The following CFAP53 variants were observed in gnomAD, a reference collection of about 807,000 sequenced individuals.
CFAP53 encodes cilia- and flagella-associated protein 53.
CFAP53 carries 62 observed loss-of-function variants against 59.7 expected under a neutral mutation model. The observed-to-expected ratio is 1.04, with a 90% CI of 0.85 to 1.28. The LOEUF is 1.28. Among genes scored for constraint, CFAP53 ranks in the 50% most tolerant of loss-of-function variants. The pLI is 0.00. For missense variants in CFAP53, 629 were observed against 615.6 expected (o/e 1.02, Z -0.23); for synonymous variants, 218 against 205.7 (o/e 1.06, Z -0.51).
At chr18:50,242,798 C>A in intron 6 of CFAP53, 102 bp downstream of exon 6, 1 of 949,756 alleles carries the variant, frequency 1.1e-6, no homozygotes, top group South Asian at 1.5e-5. Context: ...TTGCATCCCT[C>A]ATGGTGTTTT....
intron 7 of CFAP53, among the ~76,000 whole-genome samples, chr18:50,227,955 C>CTTTTTTTTTTTTTTTTTTT (rs1191228047): frequency 1.1e-5 from 1 of 90,090 alleles, no homozygotes; most frequent in Non-Finnish European, 1.9e-5. Context: ...AACTTTTCTC[C>CTTTTTTTTTTTTTTTTTTT]TTTTTTTTTT....
At chr18:50,235,181 G>C (rs918415783) in intron 7 of CFAP53, among the ~76,000 whole-genome samples, 1 of 152,202 alleles carries the variant, frequency 6.6e-6, no homozygotes, top group East Asian at 1.9e-4. Context: ...CCTCAAAAAG[G>C]AGTTCCTGAA....
At chr18:50,255,197 A>G (rs1469248118) in intron 3 of CFAP53, among the ~76,000 whole-genome samples, 2 of 152,254 alleles carry the variant, frequency 1.3e-5, no homozygotes, top group Admixed American at 1.3e-4. Flanking sequence ...TCTAAAGATC[A>G]CATATTGTGT....
chr18:50,250,701 G>T, intron 5 of CFAP53, 57 bp downstream of exon 5: 1 of 1,384,678 alleles, frequency 7.2e-7, no homozygotes, highest in Non-Finnish European at 1.0e-6. Context: ...CCACAAGACT[G>T]AGAACTCAGT....
intron 3 of CFAP53, among the ~76,000 whole-genome samples, chr18:50,258,807 C>T (rs2033867088): frequency 6.6e-6 from 1 of 152,182 alleles, no homozygotes; most frequent in African/African-American, 2.4e-5. Flanking sequence ...TTTCAACAGA[C>T]ATTTCTCAAA....
In CFAP53 at chr18:50,228,286, G is replaced by T. The variant is rs78843372; in HGVS notation, c.1317-677C>A. ...CTTTTCCCCTTTCATCTCGGAGGCT[G>T]CTCCGCCTGTTTTCTGCTCTGCTGT... On this transcript the variant is annotated intron_variant, in intron 7 of 7. Coordinates refer to ENST00000398545, the MANE Select transcript of CFAP53 (RefSeq NM_145020.5). 7.3e-3 allele frequency among the ~76,000 whole-genome samples: 1,114 copies of T among 152,064 alleles called. 25 individuals are homozygous for T. The East Asian group carries it at 0.074, about 10-fold the overall frequency.
At chr18:50,251,411 G>T in intron 4 of CFAP53, 70 bp downstream of exon 4, 2 of 1,374,388 alleles carry the variant, frequency 1.5e-6, no homozygotes, top group South Asian at 2.6e-5. Context: ...AAACTGTACT[G>T]TAACAGGCCT....
intron 7 of CFAP53, among the ~76,000 whole-genome samples, chr18:50,233,090 T>C (rs1056748192): frequency 2.0e-5 from 3 of 152,200 alleles, no homozygotes; most frequent in Non-Finnish European, 2.9e-5. Context: ...AAGTCTTCTA[T>C]AGCTCTCTAT....
intron 6 of CFAP53, among the ~76,000 whole-genome samples, chr18:50,240,681 T>G (rs1168022778): frequency 6.6e-6 from 1 of 152,204 alleles, no homozygotes; most frequent in African/African-American, 2.4e-5. Flanking sequence ...CTGACGAATA[T>G]AAAAATCTTT....
In CFAP53 at chr18:50,231,424, T is replaced by C. The variant is rs144548597; in HGVS notation, c.1317-3815A>G. Among the ~76,000 whole-genome samples, 629 of 152,290 alleles carry C rather than the reference T, an allele frequency of 4.1e-3. 5 individuals are homozygous for C. Among genetic ancestry groups the C allele is most frequent in the African/African-American group, 0.014 (582 of 41,564 alleles). Reference sequence around the variant, plus strand: ...TCCTTATGAGGAAGCCTCTGGCCTCTCTCTTTCCCTTTCCCAACTTAGGAA... The same window carrying C: ...TCCTTATGAGGAAGCCTCTGGCCTCCCTCTTTCCCTTTCCCAACTTAGGAA... On this transcript the variant is annotated intron_variant, in intron 7 of 7. Coordinates refer to ENST00000398545, the MANE Select transcript of CFAP53 (RefSeq NM_145020.5).
chr18:50,261,025 A>C, intron 3 of CFAP53, 39 bp downstream of exon 3: 1 of 1,574,112 alleles, frequency 6.4e-7, no homozygotes, highest in Non-Finnish European at 8.6e-7. Context: ...TTAATGTACC[A>C]ACTTTGGATT....
intron 3 of CFAP53, among the ~76,000 whole-genome samples, chr18:50,252,007 T>C (rs896236578): frequency 6.6e-5 from 10 of 152,164 alleles, no homozygotes; most frequent in Non-Finnish European, 1.3e-4. Context: ...CCTGACTCCA[T>C]TTCCTGTGTG....
At chr18:50,228,930 T>A (rs956000555) in intron 7 of CFAP53, among the ~76,000 whole-genome samples, 2 of 152,006 alleles carry the variant, frequency 1.3e-5, no homozygotes, top group African/African-American at 4.8e-5. Flanking sequence ...GGAGACCTGA[T>A]CTGTACAAAA....
intron 7 of CFAP53, among the ~76,000 whole-genome samples, chr18:50,228,214 C>T (rs2033545597): frequency 6.6e-6 from 1 of 151,726 alleles, no homozygotes; most frequent in Non-Finnish European, 1.5e-5. Flanking sequence ...CCGCCTCAGC[C>T]TCCCAAAGTG....
chr18:50,263,116 T>C (rs1393328982), intron 1 of CFAP53, among the ~76,000 whole-genome samples: 1 of 152,148 alleles, frequency 6.6e-6, no homozygotes, highest in Non-Finnish European at 1.5e-5. Context: ...AGGTCCTCAA[T>C]AGAAATGAAT....
chr18:50,264,143 T>C (rs547261732), intron 1 of CFAP53, among the ~76,000 whole-genome samples: 1 of 152,350 alleles, frequency 6.6e-6, no homozygotes, highest in East Asian at 1.9e-4. Flanking sequence ...CTTGTCAATA[T>C]GTGACTCTAG....
intron 7 of CFAP53, among the ~76,000 whole-genome samples, chr18:50,229,602 G>A (rs2033559658): frequency 6.6e-6 from 1 of 152,140 alleles, no homozygotes; most frequent in Non-Finnish European, 1.5e-5. Flanking sequence ...ATACCCAGAA[G>A]TGGGTTGCCA....
intron 6 of CFAP53, among the ~76,000 whole-genome samples, chr18:50,242,437 A>G (rs750393695): frequency 2.6e-5 from 4 of 152,282 alleles, no homozygotes; most frequent in Admixed American, 6.5e-5. Flanking sequence ...AAGAAATTAT[A>G]AAAGTATTAA....
intron 6 of CFAP53, among the ~76,000 whole-genome samples, chr18:50,239,587 A>ATTAAAAAGTAATCTTTTTAATTTC (rs1177626184): frequency 1.3e-5 from 2 of 152,240 alleles, no homozygotes; most frequent in Non-Finnish European, 1.5e-5. Context: ...GAATTCTAAA[A>ATTAAAAAGTAATCTTTTTAATTTC]TAACAGTAAA....
Sources: allele counts gnomAD v4.1 joint callset (sites outside exome capture counted in the v4.1 genomes callset), GRCh38; gene constraint gnomAD v4.1.1; transcripts MANE v1.5; gene names NCBI Gene and HGNC (gene_info 2026-07-23, HGNC 2026-07-21).